PIK3C2G: variants seen among roughly 807,000 people sequenced by gnomAD.
PIK3C2G encodes phosphatidylinositol-4-phosphate 3-kinase catalytic subunit type 2 gamma.
In PIK3C2G, 168 loss-of-function variants were observed where a neutral mutation model predicts 181.1. The ratio of observed to expected loss-of-function variants is 0.93; its 90% CI spans 0.82 to 1.05. PIK3C2G has a LOEUF of 1.05. Ranked by LOEUF, PIK3C2G falls within the 50% of genes least tolerant of loss-of-function variation. PIK3C2G has a pLI of 0.00. For synonymous variants in PIK3C2G, 573 were observed against 592.2 expected (o/e 0.97, Z 0.47); for missense variants, 1,869 against 1,732.8 (o/e 1.08, Z -1.40).
chr12:18,443,998 T>C (rs1156370059), intron 18 of PIK3C2G, among the ~76,000 whole-genome samples: 1 of 152,240 alleles, frequency 6.6e-6, no homozygotes, highest in Non-Finnish European at 1.5e-5. Context: ...CTCTCGTGTA[T>C]TGAGTGTATT....
chr12:18,327,089 G>A (rs1951378866), intron 8 of PIK3C2G, among the ~76,000 whole-genome samples: 2 of 152,016 alleles, frequency 1.3e-5, no homozygotes, highest in African/African-American at 4.8e-5. Flanking sequence ...CCAAAGAAAT[G>A]CTGTCTTTCC....
At chr12:18,642,002 G>A (rs1353338977) in intron 32 of PIK3C2G, among the ~76,000 whole-genome samples, 1 of 152,132 alleles carries the variant, frequency 6.6e-6, no homozygotes, top group African/African-American at 2.4e-5. Context: ...CACCGCCTCA[G>A]CCTCCCAAAA....
At chr12:18,674,046 A>G in the PIK3C2G span, among the ~76,000 whole-genome samples, 1 of 152,244 alleles carries the variant, frequency 6.6e-6, no homozygotes, top group Non-Finnish European at 1.5e-5. Flanking sequence ...TGTGAGTATC[A>G]GGAAGTGAAG....
chr12:18,481,050 A>G (rs748982164), intron 18 of PIK3C2G, among the ~76,000 whole-genome samples: 1 of 152,058 alleles, frequency 6.6e-6, no homozygotes, highest in Admixed American at 6.6e-5. Context: ...CTCCTGCCTC[A>G]GCCTCCTGAG....
the PIK3C2G span, among the ~76,000 whole-genome samples, chr12:18,662,271 T>G: frequency 6.6e-6 from 1 of 151,378 alleles, no homozygotes; most frequent in Admixed American, 6.6e-5. Flanking sequence ...AACATGCAAC[T>G]TACCTATGTA....
At chr12:18,293,799 C>T (rs568468632) in intron 4 of PIK3C2G, 102 bp from the exon 5 acceptor site, 2 of 663,292 alleles carry the variant, frequency 3.0e-6, no homozygotes, top group East Asian at 5.5e-5. Context: ...TAGACAGTTA[C>T]AATCCTTCAT....
In PIK3C2G at chr12:18,538,198, T is replaced by A. The variant is rs1371250071; in HGVS notation, c.3366T>A (p.Phe1122Leu). 1.2e-6 allele frequency: 2 copies of A among 1,612,428 alleles called. No homozygotes were observed. The highest frequency in any genetic ancestry group is 1.7e-6 in the Non-Finnish European group (2 of 1,179,036). The change falls in exon 25 of 33, where the codon TTT becomes TTA. Residue 1122 changes from phenylalanine to leucine, a missense_variant. By Grantham distance (22) the Phe-to-Leu change is conservative. Coordinates refer to ENST00000538779, the MANE Select transcript of PIK3C2G (RefSeq NM_001288772.2). Reference sequence around the variant, plus strand: ...TTTTTACTTCAGAGATGGAATACTTTATTACAGAGGGTGGGAAAAACCCAC... The same window carrying A: ...TTTTTACTTCAGAGATGGAATACTTAATTACAGAGGGTGGGAAAAACCCAC... ...PFIFTSEMEY[F>L]ITEGGKNPQH...
At chr12:18,517,839 G>C (rs1409060747) in intron 24 of PIK3C2G, among the ~76,000 whole-genome samples, 2 of 152,148 alleles carry the variant, frequency 1.3e-5, no homozygotes, top group Non-Finnish European at 2.9e-5. Flanking sequence ...TCCAGCTTTT[G>C]CCCATTCAGT....
intron 29 of PIK3C2G, 46 bp from the exon 30 acceptor site, chr12:18,594,448 C>T: frequency 8.5e-7 from 1 of 1,180,326 alleles, no homozygotes; most frequent in Non-Finnish European, 1.2e-6. Context: ...ATAGCAGTAA[C>T]AAATATAAGA....
chr12:18,681,808 C>T, the PIK3C2G span, among the ~76,000 whole-genome samples: 61 of 152,070 alleles, frequency 4.0e-4, no homozygotes, highest in East Asian at 9.9e-3. Flanking sequence ...TTTTCTCTCT[C>T]ATTTCAAAGC....
At chr12:18,321,584 T>G (rs1460822882) in intron 7 of PIK3C2G, among the ~76,000 whole-genome samples, 3 of 152,290 alleles carry the variant, frequency 2.0e-5, no homozygotes, top group Non-Finnish European at 4.4e-5. Flanking sequence ...GCAGTTAAGG[T>G]TGTTGTGAGC....
At position 18,562,856 on chromosome 12, in the gene PIK3C2G, A is replaced by C. The variant is rs763262076; in HGVS notation, c.3744A>C (p.Arg1248Ser). ...CLLSTTRSIE[R>S]ATILGFSKKS... Reference sequence around the variant, plus strand: ...TGAGTACAACTAGGTCGATTGAAAGAGCAACAATTTTAGGGTTCAGCAAGA... The same window carrying C: ...TGAGTACAACTAGGTCGATTGAAAGCGCAACAATTTTAGGGTTCAGCAAGA... The change falls in exon 27 of 33, where the codon AGA becomes AGC. Residue 1248 changes from arginine (R) to serine (S), a missense_variant. Physicochemically the swap from Arg to Ser is moderately radical, Grantham distance 110 (BLOSUM62 -1). Coordinates refer to ENST00000538779, the MANE Select transcript of PIK3C2G (RefSeq NM_001288772.2). 4 of 1,605,570 alleles carry C rather than the reference A, an allele frequency of 2.5e-6. No individual in the cohort carries two copies. In the Admixed American group the frequency reaches 5.1e-5, roughly 20 times the overall value.
chr12:18,279,197 C>T (rs2137103835), intron 1 of PIK3C2G, among the ~76,000 whole-genome samples: 1 of 152,094 alleles, frequency 6.6e-6, no homozygotes, highest in South Asian at 2.1e-4. Flanking sequence ...AATCTGTGAA[C>T]ATAAACTCAA....
intron 1 of PIK3C2G, among the ~76,000 whole-genome samples, chr12:18,271,405 C>G (rs1007758767): frequency 6.6e-6 from 1 of 152,080 alleles, no homozygotes; most frequent in Non-Finnish European, 1.5e-5. Context: ...TAATAAAATA[C>G]TCATGTTTTT....
chr12:18,324,809 C>A (rs566064147), intron 7 of PIK3C2G, among the ~76,000 whole-genome samples: 23 of 152,216 alleles, frequency 1.5e-4, no homozygotes, highest in African/African-American at 5.5e-4. Flanking sequence ...ATCATGAATT[C>A]TTTGGAGTTC....
intron 1 of PIK3C2G, among the ~76,000 whole-genome samples, chr12:18,267,890 A>T (rs779947079): frequency 6.6e-6 from 1 of 152,230 alleles, no homozygotes; most frequent in Non-Finnish European, 1.5e-5. Flanking sequence ...AAACAAATGC[A>T]CAGTCACCAT....
At chr12:18,622,001 A>G (rs1336173178) in intron 31 of PIK3C2G, among the ~76,000 whole-genome samples, 1 of 151,898 alleles carries the variant, frequency 6.6e-6, no homozygotes, top group Non-Finnish European at 1.5e-5. Context: ...TTTTAATACA[A>G]CGTGGAATGA....
chr12:18,311,222 G>A (rs923488855), intron 5 of PIK3C2G, among the ~76,000 whole-genome samples: 1 of 151,370 alleles, frequency 6.6e-6, no homozygotes, highest in Admixed American at 6.6e-5. Context: ...ACACACACAC[G>A]AGGACATACA....
intron 5 of PIK3C2G, among the ~76,000 whole-genome samples, chr12:18,309,813 G>A (rs918156483): frequency 5.3e-5 from 8 of 151,744 alleles, no homozygotes; most frequent in African/African-American, 1.9e-4. Flanking sequence ...GGGTTTTGTA[G>A]ACAACATTTT....
Sources: allele counts gnomAD v4.1 joint callset (sites outside exome capture counted in the v4.1 genomes callset), GRCh38; gene constraint gnomAD v4.1.1; transcripts MANE v1.5; gene names NCBI Gene and HGNC (gene_info 2026-07-23, HGNC 2026-07-21).